The following HMCN2 variants were observed in gnomAD, a reference collection of about 807,000 sequenced individuals.
The protein encoded by HMCN2 is hemicentin 2, also known as hemicentin-2.
In HMCN2, 325 loss-of-function variants were observed where a neutral mutation model predicts 377.5. The ratio of observed to expected loss-of-function variants is 0.86; its 90% confidence interval spans 0.79 to 0.94. HMCN2 has a LOEUF of 0.94. Ranked by LOEUF, HMCN2 falls within the 40% of genes least tolerant of loss-of-function variation. HMCN2 has a pLI of 0.00. For missense variants in HMCN2, 4,543 were observed against 4,725.3 expected (o/e 0.96, Z 1.13); for synonymous variants, 2,007 against 2,046.8 (o/e 0.98, Z 0.53).
At chr9:130,370,569 T>C (rs563649718) in intron 45 of HMCN2, among the ~76,000 whole-genome samples, 94 of 152,374 alleles carry the variant, frequency 6.2e-4, no homozygotes, top group African/African-American at 2.2e-3. Flanking sequence ...CCTTCAGAAC[T>C]GCAGCGTTGC....
intron 48 of HMCN2, among the ~76,000 whole-genome samples, chr9:130,373,487 G>A (rs1405873531): frequency 6.6e-6 from 1 of 151,938 alleles, no homozygotes; most frequent in African/African-American, 2.4e-5. Context: ...TGAGCTTCTT[G>A]AAGACCCAGC....
chr9:130,325,222 G>T (rs1838071139), intron 19 of HMCN2, among the ~76,000 whole-genome samples: 2 of 150,960 alleles, frequency 1.3e-5, no homozygotes. Flanking sequence ...AGCCTCCCGA[G>T]TAGCTGGGAT....
intron 92 of HMCN2, 68 bp downstream of exon 92, chr9:130,427,687 C>A (rs924772534): frequency 6.7e-7 from 1 of 1,487,472 alleles, no homozygotes; most frequent in Non-Finnish European, 9.0e-7. Context: ...GCAGAAGGGT[C>A]CCCAGGGCCA....
At chr9:130,320,585 A>G (rs1837793190) in intron 17 of HMCN2, 134 bp downstream of exon 17, 1 of 152,416 alleles carries the variant, frequency 6.6e-6, no homozygotes, top group African/African-American at 2.4e-5. Flanking sequence ...ATCCACAGCC[A>G]AATTCTCCAA....
intron 15 of HMCN2, among the ~76,000 whole-genome samples, chr9:130,315,888 G>T (rs979899599): frequency 1.8e-4 from 27 of 152,288 alleles, no homozygotes; most frequent in South Asian, 1.5e-3. Context: ...CCCCATGGTA[G>T]GGGCCTCACT....
At chr9:130,329,517 A>G (rs1838310652) in intron 22 of HMCN2, among the ~76,000 whole-genome samples, 1 of 143,482 alleles carries the variant, frequency 7.0e-6, no homozygotes, top group African/African-American at 2.6e-5. Flanking sequence ...ATCTCAGCTC[A>G]CTGCAACCTC....
rs13297323 is a variant in HMCN2, at chr9:130,414,261, G to C, written c.12961+3609G>C. Among the ~76,000 whole-genome samples, 408 of 152,256 alleles carry C rather than the reference G, an allele frequency of 2.7e-3. 3 individuals carry two copies. Among genetic ancestry groups the C allele is most frequent in the African/African-American group, 9.1e-3 (378 of 41,536 alleles). ...CCCCGTGTGGCCAGGTGGGCAGCGA[G>C]GGTAGTGCCAGCAGAGGCCCGGTGT... On this transcript the variant is annotated intron_variant, in intron 85 of 97. Coordinates refer to ENST00000683500, the MANE Select transcript of HMCN2 (RefSeq NM_001291815.2). The surrounding 1 kb of genome is among the most constrained non-coding windows in gnomAD (Gnocchi z 4.4).
At chr9:130,381,114 A>G (rs935033887) in intron 54 of HMCN2, among the ~76,000 whole-genome samples, 3 of 152,192 alleles carry the variant, frequency 2.0e-5, no homozygotes, top group African/African-American at 7.2e-5. Context: ...TAATCCTGAG[A>G]AAATAGGCGT....
At chr9:130,346,341 G>A (rs1176599837) in intron 25 of HMCN2, among the ~76,000 whole-genome samples, 1 of 152,186 alleles carries the variant, frequency 6.6e-6, no homozygotes, top group African/African-American at 2.4e-5. Flanking sequence ...GCCCGTGAAT[G>A]AAAGCTCCAC....
rs566085004 is a variant in HMCN2, at chr9:130,391,592, A to T, written c.9952+18A>T. 2.0e-6 allele frequency: 2 copies of T among 986,556 alleles called. No individual in the cohort carries two copies. The highest frequency in any genetic ancestry group is 1.2e-4 in the Admixed American group (2 of 16,300). 61.1% of individuals were successfully genotyped at this position (986,556 alleles called of 1,614,324 possible). ...TGTGCTGGGTGAGGAGCCCCAGGGC[A>T]TCTGGAGGGTGATGCGTGGGCCTGG... is the stretch of plus-strand genomic sequence containing the variant. On this transcript the variant is annotated intron_variant, in intron 65 of 97. Coordinates refer to ENST00000683500, the MANE Select transcript of HMCN2 (RefSeq NM_001291815.2).
At position 130,382,779 on chromosome 9, in the gene HMCN2, C is replaced by T. The variant is rs888503840; in HGVS notation, c.8646C>T (p.Pro2882=). The stretch of plus-strand genomic sequence containing the variant: ...TGCAGTGCCCGGCCCTGGGAAACCC[C>T]GTGCCCACCATCTCATGGCTCCAGA... ...VSLQCPALGN[P]VPTISWLQNG... The change falls in exon 56 of 98, where the codon CCC becomes CCT. Residue 2882 remains proline (P), a synonymous_variant. Transcript: ENST00000683500. 1.5e-5 allele frequency: 15 copies of T among 985,840 alleles called. No homozygotes were observed. Among genetic ancestry groups the T allele is most frequent in the African/African-American group, 3.5e-5 (2 of 57,240 alleles). 61.1% of individuals were successfully genotyped at this position (985,840 alleles called of 1,614,324 possible).
In HMCN2 at chr9:130,359,307, G is replaced by A; in HGVS notation, c.5678-12G>A. On this transcript the variant is annotated splice_polypyrimidine_tract_variant and intron_variant, in intron 36 of 97. Transcript: ENST00000683500. ...CACCTACCAAGCTGGGTCTCTCCTTGTCTCCCCCTAGTGCCCCCCAACATC... is the reference window on the plus strand; with the variant it reads ...CACCTACCAAGCTGGGTCTCTCCTTATCTCCCCCTAGTGCCCCCCAACATC... The A allele has an allele frequency of 7.7e-7, 1 of 1,296,796 alleles. No individual in the cohort carries two copies. The highest frequency in any genetic ancestry group is 1.0e-6 in the Non-Finnish European group (1 of 982,644). 80.3% of individuals were successfully genotyped at this position (1,296,796 alleles called of 1,614,324 possible).
rs1204761658 is a variant in HMCN2 at position 130,433,334 on chromosome 9, T to C, written c.14895-14T>C. 38 of 1,428,818 alleles carry C rather than the reference T, an allele frequency of 2.7e-5. No individual in the cohort carries two copies. In the East Asian group the frequency reaches 1.1e-3, roughly 41 times the overall value. 88.5% of individuals were successfully genotyped at this position (1,428,818 alleles called of 1,614,324 possible). ...CCCCGAGTCCGCCTGTCCGTGTGTC[T>C]GTGCCGCCCGCAGGACGTGCTTCCG... On this transcript the variant is annotated splice_polypyrimidine_tract_variant and intron_variant, in intron 97 of 97. Coordinates refer to ENST00000683500, the MANE Select transcript of HMCN2 (RefSeq NM_001291815.2).
At chr9:130,421,467 A>G (rs767254426) in intron 86 of HMCN2, among the ~76,000 whole-genome samples, 1 of 152,074 alleles carries the variant, frequency 6.6e-6, no homozygotes, top group Non-Finnish European at 1.5e-5. Context: ...GCAGGTCCCA[A>G]TCCTGGCCTT....
At chr9:130,391,686 G>A (rs2131675247) in intron 65 of HMCN2, 112 bp downstream of exon 65, 1 of 921,980 alleles carries the variant, frequency 1.1e-6, no homozygotes, top group East Asian at 1.2e-4. Flanking sequence ...TCACTTCCCT[G>A]GGCCTCCATG....
intron 97 of HMCN2, chr9:130,432,900 TG>T: frequency 2.7e-6 from 1 of 370,434 alleles, no homozygotes; most frequent in Non-Finnish European, 4.9e-6. Flanking sequence ...GCTGCTGCCC[TG>T]GAAAGGTTTC....
In HMCN2 at chr9:130,303,383, A is replaced by G; in HGVS notation, c.1422-104A>G. The stretch of plus-strand genomic sequence containing the variant: ...GTCTTCTTACCGCATCTCACAGAGG[A>G]ATTGGGGTCTCTCGTTTGGGCAGGA... On this transcript the variant is annotated intron_variant, in intron 9 of 97. Coordinates refer to ENST00000683500, the MANE Select transcript of HMCN2 (RefSeq NM_001291815.2). This position sits in a 1 kb window ranked among gnomAD's most constrained non-coding sequence, Gnocchi z 5.2. 3.1e-6 allele frequency: 1 copy of G among 321,908 alleles called. No homozygotes were observed. The highest frequency in any genetic ancestry group is 2.4e-5 in the South Asian group (1 of 41,884). 19.9% of individuals were successfully genotyped at this position (321,908 alleles called of 1,614,324 possible).
chr9:130,362,290 A>C, intron 39 of HMCN2, 125 bp downstream of exon 39: 1 of 574,488 alleles, frequency 1.7e-6, no homozygotes, highest in Non-Finnish European at 2.2e-6. Flanking sequence ...CGAGGGCTAG[A>C]GGGAGGTGGG....
At chr9:130,268,764 G>A (rs894286933) in intron 1 of HMCN2, among the ~76,000 whole-genome samples, 3 of 149,052 alleles carry the variant, frequency 2.0e-5, no homozygotes, top group East Asian at 1.9e-4. Context: ...GAGGGCTGAT[G>A]TGGAGGGACA....
Sources: allele counts gnomAD v4.1 joint callset (sites outside exome capture counted in the v4.1 genomes callset), GRCh38; gene constraint gnomAD v4.1.1; non-coding constraint Gnocchi (gnomAD v3.1); transcripts MANE v1.5; gene names NCBI Gene and HGNC (gene_info 2026-07-23, HGNC 2026-07-21).